Variants in RUNX1 observed in about 807,000 individuals in gnomAD.
The protein encoded by RUNX1 is RUNX family transcription factor 1.
Under a neutral mutation model 42.8 loss-of-function variants are expected in RUNX1, and 19 were observed. That is an observed-to-expected ratio of 0.44 (90% CI 0.31 to 0.65). RUNX1 has a LOEUF of 0.65. RUNX1 is among the 30% of genes least tolerant of loss of function. RUNX1 has a pLI of 0.07. For missense variants in RUNX1, 528 were observed against 672.0 expected, an observed-to-expected ratio of 0.79 and a Z score of 2.37; for synonymous variants, 271 against 289.4, an observed-to-expected ratio of 0.94 and a Z score of 0.64.
At chr21:34,997,689 G>A (rs143870603) in intron 2 of RUNX1, among the ~76,000 whole-genome samples, 1 of 152,338 alleles carries the variant, frequency 6.6e-6, no homozygotes, top group East Asian at 1.9e-4. Context: ...CTTTCTGTGT[G>A]GAGATGCTTT....
At chr21:34,803,959 G>A (rs1390645401) in intron 7 of RUNX1, among the ~76,000 whole-genome samples, 1 of 152,172 alleles carries the variant, frequency 6.6e-6, no homozygotes, top group Non-Finnish European at 1.5e-5. Flanking sequence ...AATTTAAAGA[G>A]CTTGAGAGTC....
rs2057269892 is a variant in RUNX1, at chr21:34,843,347, C to CAT, written c.614-8748_614-8747dup. ...ATACAGACACAAACCAGGACAGACACATATATACAGACGCACACACACATA... is the reference window on the plus strand; with the variant it reads ...ATACAGACACAAACCAGGACAGACACATATATATACAGACGCACACACACATA... On this transcript the variant is annotated intron_variant, in intron 6 of 8. Coordinates refer to ENST00000675419, the MANE Select transcript of RUNX1 (RefSeq NM_001754.5). The surrounding 1 kb of genome is among the most constrained non-coding windows in gnomAD (Gnocchi z 4.8). Among the ~76,000 whole-genome samples the CAT allele has an allele frequency of 6.6e-6, 1 of 152,038 alleles. No individual in the cohort carries two copies. The highest frequency in any genetic ancestry group is 2.1e-4 in the South Asian group (1 of 4,826).
chr21:34,911,065 A>G (rs2058268348), intron 2 of RUNX1, among the ~76,000 whole-genome samples: 1 of 152,144 alleles, frequency 6.6e-6, no homozygotes, highest in African/African-American at 2.4e-5. Flanking sequence ...TAAATATCGC[A>G]TAATATTTCA....
intron 6 of RUNX1, 164 bp downstream of exon 6, chr21:34,859,310 A>C (rs2057537032): frequency 1.5e-6 from 1 of 648,182 alleles, no homozygotes; most frequent in Non-Finnish European, 2.8e-6. Context: ...ACAAGCTTTG[A>C]GTAGCGAGAG....
intron 2 of RUNX1, among the ~76,000 whole-genome samples, chr21:34,988,701 T>G (rs2146819356): frequency 6.6e-6 from 1 of 152,268 alleles, no homozygotes; most frequent in South Asian, 2.1e-4. Context: ...TCACCTGACA[T>G]CCGGACAGTG....
chr21:34,984,982 C>T (rs1189415414), intron 2 of RUNX1, among the ~76,000 whole-genome samples: 1 of 152,044 alleles, frequency 6.6e-6, no homozygotes, highest in Non-Finnish European at 1.5e-5. Context: ...GGAATAGCCC[C>T]AAAATATATA....
At chr21:34,895,189 G>A (rs980961149) in intron 2 of RUNX1, among the ~76,000 whole-genome samples, 2 of 152,040 alleles carry the variant, frequency 1.3e-5, no homozygotes, top group African/African-American at 4.8e-5. Flanking sequence ...AGGTCCATTT[G>A]GCTGAGAAGC....
rs559958956 is a variant in RUNX1, at chr21:34,973,124, C to G, written c.58+75718G>C. Among the ~76,000 whole-genome samples the G allele has an allele frequency of 4.6e-5, 7 of 152,280 alleles. 1 individual carries two copies. The South Asian group carries it at 1.4e-3, about 32-fold the overall frequency. Reference sequence around the variant, plus strand: ...TAAGGCTCTTTCTCCCTCCATCTGTCTCTTAGAGACTATCTCATAGTTTTC... The same window carrying G: ...TAAGGCTCTTTCTCCCTCCATCTGTGTCTTAGAGACTATCTCATAGTTTTC... On this transcript the variant is annotated intron_variant, in intron 2 of 8. Coordinates refer to ENST00000675419, the MANE Select transcript of RUNX1 (RefSeq NM_001754.5).
intron 2 of RUNX1, among the ~76,000 whole-genome samples, chr21:35,033,322 G>A (rs1372666638): frequency 6.6e-6 from 1 of 152,238 alleles, no homozygotes; most frequent in Non-Finnish European, 1.5e-5. Flanking sequence ...GTTTTGGTAA[G>A]AGCAAATAAA....
At chr21:34,865,513 T>A (rs1042449530) in intron 5 of RUNX1, among the ~76,000 whole-genome samples, 14 of 96,128 alleles carry the variant, frequency 1.5e-4, no homozygotes, top group African/African-American at 4.6e-4. Context: ...AGTGTGTCCA[T>A]CCAAATGCCA....
chr21:34,828,864 T>G (rs763789366), intron 7 of RUNX1, among the ~76,000 whole-genome samples: 1 of 152,216 alleles, frequency 6.6e-6, no homozygotes, highest in African/African-American at 2.4e-5. Flanking sequence ...TCCATAGCCA[T>G]GAGCCGAATA....
chr21:34,940,627 C>G (rs150536357), intron 2 of RUNX1, among the ~76,000 whole-genome samples: 1 of 152,162 alleles, frequency 6.6e-6, no homozygotes, highest in East Asian at 1.9e-4. Context: ...AGGGAAGAAA[C>G]AAGATCAGCT....
intron 7 of RUNX1, among the ~76,000 whole-genome samples, chr21:34,827,302 T>A (rs2057001526): frequency 6.6e-6 from 1 of 152,226 alleles, no homozygotes; most frequent in African/African-American, 2.4e-5. Context: ...TGGCTACTTT[T>A]AACTACATAT....
At chr21:35,008,412 A>G (rs2059101229) in intron 2 of RUNX1, among the ~76,000 whole-genome samples, 1 of 152,212 alleles carries the variant, frequency 6.6e-6, no homozygotes, top group Admixed American at 6.5e-5. Flanking sequence ...AAGGTGTTCA[A>G]TACGTGAGGG....
intron 2 of RUNX1, among the ~76,000 whole-genome samples, chr21:34,960,280 C>A (rs2058673458): frequency 6.6e-6 from 1 of 152,190 alleles, no homozygotes; most frequent in South Asian, 2.1e-4. Flanking sequence ...TAGGTGGAAG[C>A]TGGCTTGTGA....
In RUNX1 at chr21:34,960,731, C is replaced by T. The variant is rs1420173447; in HGVS notation, c.59-67768G>A. Among the ~76,000 whole-genome samples the T allele has an allele frequency of 5.3e-5, 8 of 152,060 alleles. 1 individual carries two copies. The highest frequency in any genetic ancestry group is 5.2e-4 in the Admixed American group (8 of 15,260). On this transcript the variant is annotated intron_variant, in intron 2 of 8. Transcript: ENST00000675419. The stretch of plus-strand genomic sequence containing the variant: ...TTGTTGCTTGTGTATAATTTTTACC[C>T]CAAGAATCCCTTATGGTGCTGGCTG...
chr21:34,798,248 A>T (rs780456934), intron 8 of RUNX1, among the ~76,000 whole-genome samples: 11 of 152,232 alleles, frequency 7.2e-5, no homozygotes, highest in Non-Finnish European at 1.6e-4. Flanking sequence ...TGCAGGCATC[A>T]TAACACTGAA....
chr21:34,800,863 T>C (rs944268868), intron 7 of RUNX1, among the ~76,000 whole-genome samples: 1 of 152,196 alleles, frequency 6.6e-6, no homozygotes, highest in South Asian at 2.1e-4. Flanking sequence ...ATAGTTTAAC[T>C]TGGAATCTTT....
chr21:35,041,634 CCTTT>C (rs1272251053), intron 2 of RUNX1, among the ~76,000 whole-genome samples: 4 of 150,348 alleles, frequency 2.7e-5, no homozygotes, highest in Non-Finnish European at 5.9e-5. Context: ...TTTCATTCAT[CCTTT>C]CTTTCTTCTT....
Sources: gnomAD v4.1 joint callset for allele counts (sites outside exome capture counted in the v4.1 genomes callset) on GRCh38, gnomAD v4.1.1 for gene constraint, Gnocchi (gnomAD v3.1) non-coding constraint, MANE v1.5 for transcripts, NCBI Gene and HGNC (gene_info 2026-07-23, HGNC 2026-07-21) for gene names.